Variants in CFAP20DC observed in about 807,000 individuals in gnomAD.
The protein encoded by CFAP20DC is protein CFAP20DC.
A neutral mutation model predicts 101.7 loss-of-function variants in CFAP20DC; 84 were observed. The observed-to-expected ratio is 0.83, with a 90% CI of 0.69 to 0.99. The LOEUF (loss-of-function observed/expected upper bound fraction) is 0.99, where lower values mean the gene tolerates loss of function less well. CFAP20DC is among the 50% of genes least tolerant of loss of function. CFAP20DC has a pLI of 0.00. For synonymous variants in CFAP20DC, 359 were observed against 351.2 expected, an observed-to-expected ratio of 1.02 and a Z score of -0.25; for missense variants, 1,007 against 970.3, an observed-to-expected ratio of 1.04 and a Z score of -0.50.
chr3:58,856,259 T>C (rs1334938413), intron 12 of CFAP20DC, among the ~76,000 whole-genome samples: 1 of 114,966 alleles, frequency 8.7e-6, no homozygotes, highest in East Asian at 2.4e-4. Flanking sequence ...ACTAGCTTCA[T>C]CTTCTGACAC....
In CFAP20DC at chr3:58,795,621, T is replaced by C. The variant is rs1438962498; in HGVS notation, c.2237+10774A>G. ...GCCTGGGTGACAGACTGAGATCCTG[T>C]CTTCAAAAAGGAAAACATAGAAAAA... On this transcript the variant is annotated intron_variant, in intron 15 of 16. Coordinates refer to ENST00000482387, the MANE Select transcript of CFAP20DC (RefSeq NM_001394063.1). The surrounding 1 kb of genome is among the most constrained non-coding windows in gnomAD (Gnocchi z 4.2). Among the ~76,000 whole-genome samples, 3 of 152,168 alleles carry C rather than the reference T, an allele frequency of 2.0e-5. No homozygotes were observed. The highest frequency in any genetic ancestry group is 4.4e-5 in the Non-Finnish European group (3 of 68,024).
chr3:58,720,769 C>G (rs2067461979), intron 3 of CFAP20DC, among the ~76,000 whole-genome samples: 1 of 152,128 alleles, frequency 6.6e-6, no homozygotes, highest in South Asian at 2.1e-4. Context: ...TTACATACAA[C>G]TTAATTAGTG....
At position 58,732,236 on chromosome 3, in the gene CFAP20DC, A is replaced by G. The variant is rs2067659526; in HGVS notation, c.198-14608T>C. 6.6e-6 allele frequency among the ~76,000 whole-genome samples: 1 copy of G among 152,236 alleles called. No homozygotes were observed. Among genetic ancestry groups the G allele is most frequent in the Non-Finnish European group, 1.5e-5 (1 of 68,038 alleles). On this transcript the variant is annotated intron_variant, in intron 3 of 3. Transcript: ENST00000486145. The surrounding 1 kb of genome is among the most constrained non-coding windows in gnomAD (Gnocchi z 5.4). ...ATGACTCGTTAGGTCAATTAAAAAA[A>G]GAGGACAATTTCTCATTGATATAGA...
chr3:58,938,928 G>T (rs1281970691), intron 4 of CFAP20DC, among the ~76,000 whole-genome samples: 1 of 152,078 alleles, frequency 6.6e-6, no homozygotes, highest in Non-Finnish European at 1.5e-5. Flanking sequence ...TCCATAGTCA[G>T]AGCTAAGGTT....
downstream of CFAP20DC, chr3:58,737,353 C>A: frequency 2.5e-6 from 1 of 399,678 alleles, no homozygotes. The surrounding 1 kb of genome is among the most constrained non-coding windows in gnomAD (Gnocchi z 4.1). Context: ...ACTAACCAAA[C>A]AAGCAAGCAA....
chr3:58,976,700 T>A (rs2092294134), intron 4 of CFAP20DC, among the ~76,000 whole-genome samples: 1 of 152,000 alleles, frequency 6.6e-6, no homozygotes, highest in Non-Finnish European at 1.5e-5. Context: ...CTGTGTGGAG[T>A]CCATACATTC....
At chr3:58,838,429 C>T (rs1473392730) in intron 13 of CFAP20DC, among the ~76,000 whole-genome samples, 1 of 152,136 alleles carries the variant, frequency 6.6e-6, no homozygotes. Flanking sequence ...TGGCTCAACT[C>T]ATACTTCATT....
intron 16 of CFAP20DC, among the ~76,000 whole-genome samples, chr3:58,747,782 G>A (rs1406022478): frequency 6.6e-6 from 1 of 152,010 alleles, no homozygotes; most frequent in Non-Finnish European, 1.5e-5. Context: ...CTCACAGTAG[G>A]GCAAAATTAA....
In CFAP20DC at chr3:58,721,023, T is replaced by G. The variant is rs1287673832; in HGVS notation, c.198-3395A>C. The stretch of plus-strand genomic sequence containing the variant: ...GAAATCTCATTTCCTCAAGAAAACC[T>G]CCTCAGACTCCAAGGCTAGGTTAGG... On this transcript the variant is annotated intron_variant, in intron 3 of 3. Coordinates refer to the CFAP20DC transcript ENST00000486145. This position sits in a 1 kb window ranked among gnomAD's most constrained non-coding sequence, Gnocchi z 5.2. Among the ~76,000 whole-genome samples the G allele has an allele frequency of 6.6e-6, 1 of 152,114 alleles. No individual in the cohort carries two copies.
intron 15 of CFAP20DC, among the ~76,000 whole-genome samples, chr3:58,800,837 G>A (rs1343876053): frequency 3.3e-5 from 5 of 152,052 alleles, no homozygotes; most frequent in Non-Finnish European, 5.9e-5. Context: ...TCCAGGAAAG[G>A]AAAGGGCAAT....
At chr3:58,988,584 A>G (rs2092827692) in intron 4 of CFAP20DC, among the ~76,000 whole-genome samples, 1 of 152,172 alleles carries the variant, frequency 6.6e-6, no homozygotes, top group East Asian at 1.9e-4. Flanking sequence ...GGCTAAAGCA[A>G]CTACTTCACC....
intron 14 of CFAP20DC, among the ~76,000 whole-genome samples, chr3:58,821,979 G>A (rs1482813954): frequency 7.0e-6 from 1 of 142,864 alleles, no homozygotes; most frequent in East Asian, 2.2e-4. Flanking sequence ...AAAATGAAGA[G>A]TTCATGTCCT....
chr3:58,716,414 C>T (rs9869275), downstream of CFAP20DC, among the ~76,000 whole-genome samples: 1 of 151,898 alleles, frequency 6.6e-6, no homozygotes, highest in African/African-American at 2.4e-5. Flanking sequence ...CCACCCGCCT[C>T]GGCCTCCCAA....
intron 4 of CFAP20DC, among the ~76,000 whole-genome samples, chr3:58,940,521 T>C (rs1050991961): frequency 1.3e-5 from 2 of 152,240 alleles, no homozygotes; most frequent in Non-Finnish European, 2.9e-5. Flanking sequence ...ACACCATTTA[T>C]TGAAGACTCT....
chr3:58,864,205 C>T lies in CFAP20DC; in HGVS notation c.1259-313G>A, dbSNP rs187521479. Among the ~76,000 whole-genome samples the T allele has an allele frequency of 8.8e-3, 1,339 of 152,294 alleles. 14 individuals are homozygous for T. The highest frequency in any genetic ancestry group is 9.8e-3 in the Non-Finnish European group (667 of 68,036). ...AACTCCTGACTTCATGATCTGCCCG[C>T]CTCGGCCTCCCAAAAAGCTGGGATT... On this transcript the variant is annotated intron_variant, in intron 11 of 16. Transcript: ENST00000482387. The surrounding 1 kb of genome is among the most constrained non-coding windows in gnomAD (Gnocchi z 4.7).
At chr3:58,842,172 C>G (rs2077169808) in intron 13 of CFAP20DC, among the ~76,000 whole-genome samples, 1 of 151,778 alleles carries the variant, frequency 6.6e-6, no homozygotes, top group Non-Finnish European at 1.5e-5. Flanking sequence ...CCAAGATGGC[C>G]GAATAGGAAC....
At chr3:58,821,460 C>G (rs1014934664) in intron 14 of CFAP20DC, among the ~76,000 whole-genome samples, 9 of 151,416 alleles carry the variant, frequency 5.9e-5, no homozygotes, top group Admixed American at 1.3e-4. Flanking sequence ...AAAAAACAAA[C>G]AACCCCATCA....
chr3:58,821,210 T>A (rs1434289738), intron 14 of CFAP20DC, among the ~76,000 whole-genome samples: 3 of 152,054 alleles, frequency 2.0e-5, no homozygotes, highest in Admixed American at 1.3e-4. Flanking sequence ...AACCTAGGCA[T>A]TACCATTCAG....
At chr3:58,857,794 T>G (rs992080337) in intron 12 of CFAP20DC, among the ~76,000 whole-genome samples, 3 of 152,176 alleles carry the variant, frequency 2.0e-5, no homozygotes, top group South Asian at 4.1e-4. Flanking sequence ...TTAAAAAAAG[T>G]ACAGTATTTA....
Sources: gnomAD v4.1 joint callset for allele counts (sites outside exome capture counted in the v4.1 genomes callset) on GRCh38, gnomAD v4.1.1 for gene constraint, Gnocchi (gnomAD v3.1) non-coding constraint, MANE v1.5 for transcripts, NCBI Gene and HGNC (gene_info 2026-07-23, HGNC 2026-07-21) for gene names.